The following FOXP3 variants were observed in gnomAD, a reference collection of about 807,000 sequenced individuals.
The protein encoded by FOXP3 is forkhead box P3.
Under a neutral mutation model 31.2 loss-of-function variants are expected in FOXP3, and 5 were observed. The ratio of observed to expected loss-of-function variants is 0.16; its 90% CI spans 0.08 to 0.34. FOXP3 has a LOEUF of 0.34. Ranked by LOEUF, FOXP3 falls within the 10% of genes least tolerant of loss-of-function variation. The pLI is 1.00. For synonymous variants in FOXP3, 141 were observed against 148.8 expected (o/e 0.95, Z 0.38); for missense variants, 251 against 363.0 (o/e 0.69, Z 2.51).
At chrX:49,256,220 AAGAGAGAGAG>A (rs782303757) in intron 6 of FOXP3, among the ~76,000 whole-genome samples, 899 of 66,961 alleles carry the variant, frequency 0.013, 13 homozygotes, top group African/African-American at 0.045. Flanking sequence ...GAGAGAGAGA[AAGAGAGAGAG>A]AGAGAGAGAG....
In FOXP3 at chrX:49,259,857, G is replaced by GGT. The variant is rs1309510492; in HGVS notation, c.-22-1332_-22-1331dup. Reference sequence around the variant, plus strand: ...CGTGTGCACATTTTATAAACTCTCTGGTGTGTGTGTGTGTGTGTCTCCATC... The same window carrying GGT: ...CGTGTGCACATTTTATAAACTCTCTGGTGTGTGTGTGTGTGTGTGTCTCCATC... On this transcript the variant is annotated intron_variant, in intron 1 of 11. Transcript: ENST00000376207. 1.9e-4 allele frequency among the ~76,000 whole-genome samples: 21 copies of GGT among 110,076 alleles called. 1 individual carries two copies. Among genetic ancestry groups the GGT allele is most frequent in the East Asian group, 5.7e-4 (2 of 3,518 alleles).
At chrX:49,257,270 C>G (rs941699607) in intron 4 of FOXP3, among the ~76,000 whole-genome samples, 157 bp downstream of exon 4, 11 of 112,293 alleles carry the variant, frequency 9.8e-5, no homozygotes, top group Admixed American at 1.9e-4. Flanking sequence ...AGGTTCTGCA[C>G]CTGACGTTTT....
At position 49,254,058 on chromosome X, in the gene FOXP3, C is replaced by T. The variant is rs782789484; in HGVS notation, c.826G>A (p.Asp276Asn). Residue 276 changes from aspartate to asparagine, a missense_variant, in exon 9 of 12, where the codon GAC becomes AAC. Physicochemically the swap from Asp to Asn is conservative, Grantham distance 23 (BLOSUM62 1). Transcript: ENST00000376207. Reference sequence around the variant, plus strand: ...GCTACGATGCAGCAGGAGCCCTTGTCGGATGATGCCTGGGTGAGGGGGAGA... The same window carrying T: ...GCTACGATGCAGCAGGAGCCCTTGTTGGATGATGCCTGGGTGAGGGGGAGA... ...LTKASSVASSDKGSCCIVAAG... is the reference protein window; with the variant it reads ...LTKASSVASSNKGSCCIVAAG... 61 of 1,206,392 alleles carry T rather than the reference C, an allele frequency of 5.1e-5. No homozygotes were observed. Among genetic ancestry groups the T allele is most frequent in the Admixed American group, 2.2e-5 (1 of 45,502 alleles).
chrX:49,251,418 A>G lies in FOXP3; in HGVS notation c.1212T>C (p.Ala404=), dbSNP rs781802008. 1 of 1,211,869 alleles carries G rather than the reference A, an allele frequency of 8.3e-7. No individual in the cohort carries two copies. Among genetic ancestry groups the G allele is most frequent in the Non-Finnish European group, 1.1e-6 (1 of 895,486 alleles). Residue 404 remains alanine, a synonymous_variant, in exon 12 of 12, where the codon GCT becomes GCC. Transcript: ENST00000376207. ...CFVRVESEKG[A]VWTVDELEFR... Reference sequence around the variant, plus strand: ...ACTCCAGCTCATCCACGGTCCACACAGCCCCCTTCTCGCTCTCCACCCGCA... The same window carrying G: ...ACTCCAGCTCATCCACGGTCCACACGGCCCCCTTCTCGCTCTCCACCCGCA...
chrX:49,250,533 G>A lies in FOXP3; in HGVS notation c.*801C>T. ...TAGTTCCTCTGCAGTCTAAGCTGAG[G>A]CATGGATCAGGGCTCAGGGAATGGG... On this transcript the variant is annotated 3_prime_UTR_variant, in exon 12 of 12. Coordinates refer to ENST00000376207, the MANE Select transcript of FOXP3 (RefSeq NM_014009.4). 2.2e-6 allele frequency: 1 copy of A among 449,881 alleles called. No individual in the cohort carries two copies. Among genetic ancestry groups the A allele is most frequent in the South Asian group, 2.7e-5 (1 of 37,407 alleles). 37.1% of individuals were successfully genotyped at this position (449,881 alleles called of 1,213,427 possible).
In FOXP3 at chrX:49,257,442, G is replaced by C. The variant is rs781856708; in HGVS notation, c.439C>G (p.Pro147Ala). Residue 147 changes from proline to alanine, a missense_variant, in exon 4 of 12, where the codon CCT (proline) becomes GCT (alanine). By Grantham distance (27) the Pro-to-Ala change is conservative. Transcript: ENST00000376207. Reference protein sequence around the residue: ...ATGVFSLKARPGLPPGINVAS... With the variant: ...ATGVFSLKARAGLPPGINVAS... ...GAGGTGTTACCAGGTGGGAGGCCAG[G>C]CCGGGCCTTGAGGGAGAAGACCCCA... 10 of 1,139,944 alleles carry C rather than the reference G, an allele frequency of 8.8e-6. No individual in the cohort carries two copies. The Admixed American group carries it at 2.9e-4, about 33-fold the overall frequency. The allele number at this position is 1,139,944 out of a possible 1,213,427, so 93.9% of individuals were successfully genotyped here.
chrX:49,259,112 A>G, intron 1 of FOXP3: 3 of 517,753 alleles, frequency 5.8e-6, no homozygotes, highest in Non-Finnish European at 1.1e-5. Context: ...CTGAGACTTA[A>G]TCTGAAGCTG....
In FOXP3 at chrX:49,254,078, G is replaced by A. The variant is rs781814163; in HGVS notation, c.817-11C>T. 86 of 1,204,604 alleles carry A rather than the reference G, an allele frequency of 7.1e-5. No individual in the cohort carries two copies. Among genetic ancestry groups the A allele is most frequent in the Non-Finnish European group, 9.4e-5 (84 of 893,024 alleles). On this transcript the variant is annotated splice_polypyrimidine_tract_variant and intron_variant, in intron 8 of 11. Transcript: ENST00000376207. ...CTTGTCGGATGATGCCTGGGTGAGG[G>A]GGAGAGGCTGGTGACCCAGAGGCTT...
rs1224432892 is a variant in FOXP3, at chrX:49,251,077, C to T, written c.*257G>A. 2.7e-6 allele frequency: 1 copy of T among 365,983 alleles called. No individual in the cohort carries two copies. The highest frequency in any genetic ancestry group is 4.2e-5 in the African/African-American group (1 of 23,813). 30.2% of individuals were successfully genotyped at this position (365,983 alleles called of 1,213,427 possible). A position where few individuals can be genotyped will look rare whatever the true frequency, so the allele number is the denominator to read the frequency against. On this transcript the variant is annotated 3_prime_UTR_variant, in exon 12 of 12. Coordinates refer to ENST00000376207, the MANE Select transcript of FOXP3 (RefSeq NM_014009.4). The stretch of plus-strand genomic sequence containing the variant: ...GGCTCTGTTTGGCTGCAGGGCTCGA[C>T]TGGGGGGTGTGTCTGGGGCGGAGGT...
At chrX:49,262,151 C>T (rs375263455) in intron 1 of FOXP3, among the ~76,000 whole-genome samples, 4 of 112,119 alleles carry the variant, frequency 3.6e-5, no homozygotes, top group Non-Finnish European at 5.6e-5. Context: ...TGCATGTGTG[C>T]GAGAGGAGGA....
At chrX:49,264,213 C>T (rs1431053486) in intron 1 of FOXP3, among the ~76,000 whole-genome samples, 5 of 110,143 alleles carry the variant, frequency 4.5e-5, no homozygotes, top group African/African-American at 1.3e-4. Flanking sequence ...AGACAGATGG[C>T]GGGAGAAAGA....
intron 4 of FOXP3, among the ~76,000 whole-genome samples, 180 bp downstream of exon 4, chrX:49,257,247 T>C (rs1397324247): frequency 3.6e-5 from 4 of 112,635 alleles, no homozygotes; most frequent in African/African-American, 1.3e-4. Context: ...GATTTTGACA[T>C]TCTGCATCTT....
Position 49,264,014 on chromosome X carries a change from C to T in FOXP3, c.-23+647G>A, listed in dbSNP as rs868972734. ...CCTCGGCGACATTACTATTATTAAA[C>T]GCCAGCTGTGTACAAAGCTCTAGGC... On this transcript the variant is annotated intron_variant, in intron 1 of 11. Coordinates refer to ENST00000376207, the MANE Select transcript of FOXP3 (RefSeq NM_014009.4). Among the ~76,000 whole-genome samples, 16 of 111,912 alleles carry T rather than the reference C, an allele frequency of 1.4e-4. No individual in the cohort carries two copies. In the Middle Eastern group the frequency reaches 0.032, roughly 225 times the overall value.
intron 1 of FOXP3, among the ~76,000 whole-genome samples, chrX:49,260,787 G>A (rs963894247): frequency 3.5e-5 from 4 of 113,010 alleles, no homozygotes; most frequent in Admixed American, 1.9e-4. Context: ...AGATTTTTCC[G>A]CCATTGACGT....
In FOXP3 at chrX:49,258,488, A is replaced by T. The variant is rs2066089501; in HGVS notation, c.18T>A (p.Pro6=). 8.5e-7 allele frequency: 1 copy of T among 1,175,716 alleles called. No homozygotes were observed. Among genetic ancestry groups the T allele is most frequent in the Non-Finnish European group, 1.1e-6 (1 of 876,544 alleles). Residue 6 remains proline, a synonymous_variant, in exon 2 of 12, where the codon CCT becomes CCA. Transcript: ENST00000376207. ...CCAAGGAAGGGGCCGAGGGCTTGCC[A>T]GGCCTGGGGTTGGGCATCGGGTCCT... The part of the protein sequence containing the change: MPNPR[P]GKPSAPSLAL...
chrX:49,256,369 G>A (rs1205410587), intron 6 of FOXP3, among the ~76,000 whole-genome samples: 1 of 109,932 alleles, frequency 9.1e-6, no homozygotes, highest in Non-Finnish European at 1.9e-5. Context: ...GGCATGAGGA[G>A]TAGCAGGGCA....
At position 49,255,444 on chromosome X, in the gene FOXP3, G is replaced by C; in HGVS notation, c.801C>G (p.Thr267=). ...GGTCGCTCACCACAGATGAAGCCTT[G>C]GTCAGTGCCATTTTCCCAGCCAGGT... ...QAHLAGKMAL[T]KASSVASSDK... Residue 267 remains threonine (T), a synonymous_variant, in exon 8 of 12, where the codon ACC becomes ACG. Coordinates refer to ENST00000376207, the MANE Select transcript of FOXP3 (RefSeq NM_014009.4). The C allele has an allele frequency of 2.5e-6, 3 of 1,203,895 alleles. No homozygotes were observed. The highest frequency in any genetic ancestry group is 3.4e-6 in the Non-Finnish European group (3 of 891,326).
In FOXP3 at chrX:49,254,071, G is replaced by A; in HGVS notation, c.817-4C>T. The A allele has an allele frequency of 8.3e-7, 1 of 1,207,525 alleles. No homozygotes were observed. The highest frequency in any genetic ancestry group is 1.1e-6 in the Non-Finnish European group (1 of 893,766). ...AGGAGCCCTTGTCGGATGATGCCTG[G>A]GTGAGGGGGAGAGGCTGGTGACCCA... On this transcript the variant is annotated splice_region_variant and splice_polypyrimidine_tract_variant and intron_variant, in intron 8 of 11. Coordinates refer to ENST00000376207, the MANE Select transcript of FOXP3 (RefSeq NM_014009.4).
At chrX:49,261,699 G>A (rs1427427855) in intron 1 of FOXP3, among the ~76,000 whole-genome samples, 2 of 112,209 alleles carry the variant, frequency 1.8e-5, no homozygotes, top group Non-Finnish European at 1.9e-5. Context: ...GGAAGTTGGG[G>A]TCCAACGTGT....
Sources: allele counts gnomAD v4.1 joint callset (sites outside exome capture counted in the v4.1 genomes callset), GRCh38; gene constraint gnomAD v4.1.1; transcripts MANE v1.5; gene names NCBI Gene and HGNC (gene_info 2026-07-23, HGNC 2026-07-21).